The following TAF3 variants were observed in gnomAD, a reference collection of about 807,000 sequenced individuals.
TAF3 encodes the protein TATA-box binding protein associated factor 3, also known as transcription initiation factor TFIID subunit 3.
A neutral mutation model predicts 80.6 loss-of-function variants in TAF3; 7 were observed. That is an observed-to-expected ratio of 0.09 (90% CI 0.05 to 0.16). TAF3 has a LOEUF of 0.16. Among genes scored for constraint, TAF3 ranks in the 10% least tolerant of loss-of-function variants. The pLI is 1.00. For missense variants in TAF3, 921 were observed against 1,140.2 expected (o/e 0.81, Z 2.77); for synonymous variants, 444 against 446.1 (o/e 1.00, Z 0.06).
intron 2 of TAF3, among the ~76,000 whole-genome samples, chr10:7,858,594 T>C (rs1359820354): frequency 6.6e-6 from 1 of 152,214 alleles, no homozygotes; most frequent in East Asian, 1.9e-4. Context: ...TTGTCTTAGA[T>C]TATTAACTAA....
At position 7,977,299 on chromosome 10, in the gene TAF3, G is replaced by A; in HGVS notation, c.2291G>A (p.Arg764Gln). Residue 764 changes from arginine (R) to glutamine (Q), a missense_variant, in exon 4 of 7, where the codon CGA becomes CAA. Physicochemically the swap from Arg to Gln is conservative, Grantham distance 43. This residue lies in a region of TAF3 where 743 missense variants were observed against 821.0 expected (regional missense o/e 0.90). Coordinates refer to ENST00000344293, the MANE Select transcript of TAF3 (RefSeq NM_031923.4). ...CCAGTTATCCCCAGATTAACTCTCC[G>A]AGTCGGTGCTGGCCAAGACAAGATG... The part of the protein sequence containing the change: ...PSPVIPRLTL[R>Q]VGAGQDKIVI... 1 of 1,614,168 alleles carries A rather than the reference G, an allele frequency of 6.2e-7. No individual in the cohort carries two copies. The highest frequency in any genetic ancestry group is 8.5e-7 in the Non-Finnish European group (1 of 1,180,020).
chr10:7,949,050 G>A (rs141772836), intron 2 of TAF3, among the ~76,000 whole-genome samples: 9 of 152,326 alleles, frequency 5.9e-5, no homozygotes, highest in Non-Finnish European at 1.0e-4. Context: ...AGCCGCTCTC[G>A]GGTCAACAGT....
At chr10:7,850,502 C>A (rs2131124832) in intron 2 of TAF3, among the ~76,000 whole-genome samples, 1 of 152,132 alleles carries the variant, frequency 6.6e-6, no homozygotes, top group South Asian at 2.1e-4. Flanking sequence ...ATGGTGAAAC[C>A]CTGTCTTTAC....
At chr10:7,858,137 A>G (rs568894659) in intron 2 of TAF3, among the ~76,000 whole-genome samples, 27 of 152,148 alleles carry the variant, frequency 1.8e-4, no homozygotes, top group Non-Finnish European at 3.7e-4. Context: ...ATAGTAAAAG[A>G]ACTATGGGAT....
chr10:8,012,770 A>G (rs1832067443), intron 5 of TAF3, among the ~76,000 whole-genome samples: 1 of 152,076 alleles, frequency 6.6e-6, no homozygotes, highest in Non-Finnish European at 1.5e-5. Context: ...ACATATATGG[A>G]CCCCCAATGC....
rs569015195 is a variant in TAF3, at chr10:7,925,417, G to A, written c.410-38503G>A. ...AATATGTTTCGTCCTGATGACAATG[G>A]TAATATGGAGGTGTTAACCTCTTTT... On this transcript the variant is annotated intron_variant, in intron 2 of 6. Transcript: ENST00000344293. 2.6e-5 allele frequency among the ~76,000 whole-genome samples: 4 copies of A among 152,342 alleles called. No individual in the cohort carries two copies. The South Asian group carries it at 8.3e-4, about 32-fold the overall frequency.
intron 2 of TAF3, among the ~76,000 whole-genome samples, chr10:7,903,888 G>C (rs2131173583): frequency 6.6e-6 from 1 of 152,262 alleles, no homozygotes; most frequent in Admixed American, 6.5e-5. Context: ...AGGGACATAA[G>C]ACAAGTATTC....
Position 7,824,347 on chromosome 10 carries a change from G to A in TAF3, c.196G>A (p.Val66Ile). The change falls in exon 2 of 7, where the codon GTT (valine) becomes ATT (isoleucine). Residue 66 changes from valine (V) to isoleucine (I), a missense_variant. Around this residue, in one of 6 missense-constraint regions of TAF3, gnomAD observed 106 missense variants for 191.8 expected, o/e 0.55. Transcript: ENST00000344293. ...YGRTDPILDDVGEAFQLMGVS... is the reference protein window; with the variant it reads ...YGRTDPILDDIGEAFQLMGVS... ...CCGAACAGACCCAATTTTGGATGAT[G>A]TTGGTGAAGCTTTCCAGCTGATGGG... is the stretch of plus-strand genomic sequence containing the variant. The A allele has an allele frequency of 6.2e-7, 1 of 1,613,928 alleles. No individual in the cohort carries two copies. Among genetic ancestry groups the A allele is most frequent in the South Asian group, 1.1e-5 (1 of 91,054 alleles).
In TAF3 at chr10:8,014,856, C is replaced by T. The variant is rs1832089535; in HGVS notation, c.*105C>T. On this transcript the variant is annotated 3_prime_UTR_variant, in exon 7 of 7. Coordinates refer to ENST00000344293, the MANE Select transcript of TAF3 (RefSeq NM_031923.4). ...TGCCGTCACATCCACCCCCAGATGC[C>T]TGTGGATAAAGAACCCAGGAGGACT... is the stretch of plus-strand genomic sequence containing the variant. 1.0e-6 allele frequency: 1 copy of T among 988,116 alleles called. No individual in the cohort carries two copies. The highest frequency in any genetic ancestry group is 1.7e-5 in the African/African-American group (1 of 60,592). The allele number at this position is 988,116 out of a possible 1,614,324, so 61.2% of individuals were successfully genotyped here.
At chr10:7,998,259 A>ATG (rs1455358633) in intron 4 of TAF3, among the ~76,000 whole-genome samples, 14 of 89,094 alleles carry the variant, frequency 1.6e-4, no homozygotes, top group Non-Finnish European at 2.7e-4. Flanking sequence ...ATATATATAT[A>ATG]TATATGTATA....
At chr10:7,987,350 T>C (rs1406999493) in intron 4 of TAF3, among the ~76,000 whole-genome samples, 4 of 152,138 alleles carry the variant, frequency 2.6e-5, no homozygotes, top group Non-Finnish European at 4.4e-5. Flanking sequence ...AGAATTATCT[T>C]ACACATACTG....
chr10:7,954,156 C>T (rs1167102600), intron 2 of TAF3, among the ~76,000 whole-genome samples: 1 of 137,916 alleles, frequency 7.3e-6, no homozygotes, highest in Non-Finnish European at 1.6e-5. Flanking sequence ...ACAGAGCTCT[C>T]CATAGTGAGA....
At chr10:7,873,641 G>T (rs1837289001) in intron 2 of TAF3, among the ~76,000 whole-genome samples, 1 of 147,650 alleles carries the variant, frequency 6.8e-6, no homozygotes, top group Non-Finnish European at 1.5e-5. Context: ...TCAAAAGGGG[G>T]TGTCGAATTT....
chr10:7,985,778 C>CT (rs1769848156), intron 4 of TAF3, among the ~76,000 whole-genome samples: 2 of 137,342 alleles, frequency 1.5e-5, no homozygotes, highest in African/African-American at 5.4e-5. Flanking sequence ...CATTCTCTCT[C>CT]TCTTTTTTTT....
intron 2 of TAF3, among the ~76,000 whole-genome samples, chr10:7,889,815 C>A (rs1444363572): frequency 6.6e-6 from 1 of 152,194 alleles, no homozygotes; most frequent in African/African-American, 2.4e-5. Context: ...ACACTCATCT[C>A]ATCAGCTGCC....
chr10:7,821,961 AGCTCCCT>A (rs1836694564), intron 1 of TAF3, among the ~76,000 whole-genome samples: 2 of 152,218 alleles, frequency 1.3e-5, no homozygotes, highest in Non-Finnish European at 2.9e-5. Context: ...TAAGGTGTTC[AGCTCCCT>A]ATGCAGCTAG....
chr10:7,893,948 C>T (rs1381749037), intron 2 of TAF3, among the ~76,000 whole-genome samples: 1 of 152,204 alleles, frequency 6.6e-6, no homozygotes, highest in Non-Finnish European at 1.5e-5. Context: ...CTGTTTCTCT[C>T]TTCTCCCTTC....
Position 7,818,769 on chromosome 10 carries a change from G to T in TAF3, c.60G>T (p.Ala20=), listed in dbSNP as rs772472021. Residue 20 remains alanine, a synonymous_variant, in exon 1 of 7, where the codon GCG becomes GCT. Coordinates refer to ENST00000344293, the MANE Select transcript of TAF3 (RefSeq NM_031923.4). ...TCTCGGTGGCGCAGATCTGCCAGGC[G>T]CTGGGCTGGGACTCGGTGCAGCTCA... The part of the protein sequence containing the change: ...LRVSVAQICQ[A]LGWDSVQLSA... 6 of 1,558,264 alleles carry T rather than the reference G, an allele frequency of 3.9e-6. No homozygotes were observed. The highest frequency in any genetic ancestry group is 1.1e-5 in the South Asian group (1 of 88,322).
intron 1 of TAF3, among the ~76,000 whole-genome samples, chr10:7,822,201 C>T (rs1240483965): frequency 7.6e-6 from 1 of 131,118 alleles, no homozygotes; most frequent in African/African-American, 2.9e-5. Flanking sequence ...GAGATAGTGA[C>T]AGTAAGAATA....
Sources: allele counts gnomAD v4.1 joint callset (sites outside exome capture counted in the v4.1 genomes callset), GRCh38; gene constraint gnomAD v4.1.1; regional missense constraint gnomAD v4.1.1; transcripts MANE v1.5; gene names NCBI Gene and HGNC (gene_info 2026-07-23, HGNC 2026-07-21).